SERINC5: variants seen among roughly 807,000 people sequenced by gnomAD.
The protein encoded by SERINC5 is chromosome 5 open reading frame 12.
A neutral mutation model predicts 63.1 loss-of-function variants in SERINC5; 41 were observed. The ratio of observed to expected loss-of-function variants is 0.65; its 90% CI spans 0.51 to 0.84. The LOEUF is 0.84. SERINC5 is among the 40% of genes least tolerant of loss of function. SERINC5 has a pLI of 0.00. For missense variants in SERINC5, 523 were observed against 573.0 expected (o/e 0.91, Z 0.89); for synonymous variants, 222 against 215.2 (o/e 1.03, Z -0.28).
At chr5:80,158,556 A>C in intron 8 of SERINC5, 1 of 361,944 alleles carries the variant, frequency 2.8e-6, no homozygotes, top group Non-Finnish European at 5.1e-6. Flanking sequence ...ACGGTGCTGC[A>C]ACATGCCATA....
chr5:80,252,456 G>A (rs945302184), intron 1 of SERINC5, among the ~76,000 whole-genome samples: 3 of 152,134 alleles, frequency 2.0e-5, no homozygotes, highest in Non-Finnish European at 4.4e-5. Context: ...GTTCATTACC[G>A]TGTCTCTAGG....
Position 80,183,428 on chromosome 5 carries a change from T to C in SERINC5, c.196-5364A>G, listed in dbSNP as rs145252119. Among the ~76,000 whole-genome samples the C allele has an allele frequency of 1.1e-3, 161 of 152,122 alleles. 1 individual carries two copies. The highest frequency in any genetic ancestry group is 1.0e-3 in the African/African-American group (42 of 41,490). ...TCTGGAAATTGCTTTAGAACAGCAATTGGGGCTGGATACAGGAAGTGTCAG... is the reference window on the plus strand; with the variant it reads ...TCTGGAAATTGCTTTAGAACAGCAACTGGGGCTGGATACAGGAAGTGTCAG... On this transcript the variant is annotated intron_variant, in intron 2 of 11. Transcript: ENST00000507668.
intron 2 of SERINC5, among the ~76,000 whole-genome samples, chr5:80,186,475 T>A (rs539870760): frequency 6.6e-6 from 1 of 152,152 alleles, no homozygotes; most frequent in African/African-American, 2.4e-5. Context: ...ACATTTATAT[T>A]AGAACTGAGG....
intron 7 of SERINC5, 86 bp downstream of exon 7, chr5:80,166,297 C>G: frequency 1.0e-6 from 1 of 965,238 alleles, no homozygotes; most frequent in Non-Finnish European, 1.6e-6. Context: ...TCTCCAAGGC[C>G]TCTCCAATAT....
intron 11 of SERINC5, among the ~76,000 whole-genome samples, chr5:80,131,049 A>T (rs1438189988): frequency 6.6e-6 from 1 of 152,226 alleles, no homozygotes; most frequent in Non-Finnish European, 1.5e-5. Flanking sequence ...CTTCACTGAA[A>T]ATGTAATACA....
chr5:80,151,491 T>C (rs955569756), intron 8 of SERINC5, among the ~76,000 whole-genome samples: 6 of 152,172 alleles, frequency 3.9e-5, no homozygotes, highest in Non-Finnish European at 8.8e-5. Flanking sequence ...GTTAGACAAA[T>C]TGCCTTGCAT....
intron 1 of SERINC5, among the ~76,000 whole-genome samples, chr5:80,244,278 C>T (rs540739814): frequency 2.6e-5 from 4 of 151,236 alleles, no homozygotes; most frequent in East Asian, 2.0e-4. Context: ...TGCAATGGCA[C>T]GATCTCGGCT....
At chr5:80,225,372 A>C (rs1751122635) in intron 1 of SERINC5, among the ~76,000 whole-genome samples, 1 of 152,204 alleles carries the variant, frequency 6.6e-6, no homozygotes, top group South Asian at 2.1e-4. Context: ...GGTGACTCCT[A>C]AGTCCATTTG....
rs556409136 is a variant in SERINC5, at chr5:80,237,822, G to A, written c.27+18074C>T. Reference sequence around the variant, plus strand: ...TCTTGCTTCCAAAAAATATGCAATCGGCCAGGCACGGTGGCTCACGCCTGT... The same window carrying A: ...TCTTGCTTCCAAAAAATATGCAATCAGCCAGGCACGGTGGCTCACGCCTGT... On this transcript the variant is annotated intron_variant, in intron 1 of 11. Transcript: ENST00000507668. 7.2e-5 allele frequency among the ~76,000 whole-genome samples: 11 copies of A among 151,906 alleles called. No homozygotes were observed. In the South Asian group the frequency reaches 8.3e-4, roughly 11 times the overall value.
At chr5:80,182,199 T>G (rs1748474545) in intron 2 of SERINC5, among the ~76,000 whole-genome samples, 1 of 152,108 alleles carries the variant, frequency 6.6e-6, no homozygotes, top group Admixed American at 6.6e-5. Flanking sequence ...ATCAGTTAAG[T>G]CCAACATTAT....
intron 2 of SERINC5, among the ~76,000 whole-genome samples, chr5:80,192,736 A>G (rs1391190712): frequency 1.3e-5 from 2 of 152,150 alleles, no homozygotes; most frequent in Admixed American, 1.3e-4. Flanking sequence ...ACACCACCAG[A>G]ATACCCAACC....
chr5:80,229,050 T>TGGCGGGGGG lies in SERINC5; in HGVS notation c.28-25998_28-25997insCCCCCCGCC, dbSNP rs1751303992. 7.4e-5 allele frequency among the ~76,000 whole-genome samples: 7 copies of TGGCGGGGGG among 94,104 alleles called. 1 individual carries two copies. Among genetic ancestry groups the TGGCGGGGGG allele is most frequent in the African/African-American group, 1.6e-4 (4 of 25,534 alleles). The allele number at this position is 94,104 out of a possible 152,430, so 61.7% of individuals were successfully genotyped here. A position where few individuals can be genotyped will look rare whatever the true frequency, so the allele number is the denominator to read the frequency against. ...TTTTTTTTTTTTTTTTTTTTTTTTTTGGGGATGGAGTTGCCTAGGCTGGAG... is the reference window on the plus strand; with the variant it reads ...TTTTTTTTTTTTTTTTTTTTTTTTTTGGCGGGGGGGGGGATGGAGTTGCCTAGGCTGGAG... On this transcript the variant is annotated intron_variant, in intron 1 of 11. Coordinates refer to ENST00000507668, the MANE Select transcript of SERINC5 (RefSeq NM_001174072.3).
chr5:80,116,469 G>A, intron 11 of SERINC5: 2 of 398,894 alleles, frequency 5.0e-6, no homozygotes, highest in Non-Finnish European at 9.9e-6. Context: ...CCTGGGACTT[G>A]CATGCTATAA....
At position 80,140,030 on chromosome 5, in the gene SERINC5, T is replaced by C. The variant is rs1035403649; in HGVS notation, c.*3633A>G. On this transcript the variant is annotated 3_prime_UTR_variant, in exon 12 of 12. Transcript: ENST00000507668. ...GCAAAAATTAAATAAATACATCATC[T>C]TAAAAAGGCAGAGGGTAGGCTGCGT... 5 of 985,180 alleles carry C rather than the reference T, an allele frequency of 5.1e-6. No individual in the cohort carries two copies. The highest frequency in any genetic ancestry group is 4.8e-6 in the Non-Finnish European group (4 of 829,906). 61.0% of individuals were successfully genotyped at this position (985,180 alleles called of 1,614,324 possible).
chr5:80,142,431 C>T lies in SERINC5; in HGVS notation c.*1232G>A, dbSNP rs142130377. 5,352 of 929,346 alleles carry T rather than the reference C, an allele frequency of 5.8e-3. 208 individuals are homozygous for T. The African/African-American group carries it at 0.085, about 15-fold the overall frequency. The allele number at this position is 929,346 out of a possible 1,614,324, so 57.6% of individuals were successfully genotyped here. A position where few individuals can be genotyped will look rare whatever the true frequency, so the allele number is the denominator to read the frequency against. On this transcript the variant is annotated 3_prime_UTR_variant, in exon 12 of 12. Coordinates refer to ENST00000507668, the MANE Select transcript of SERINC5 (RefSeq NM_001174072.3). ...TATTTTTAATAGAGACAGGGTTTCA[C>T]CATGTTAGCCAGGCTGGTCTTGCAA...
chr5:80,234,841 ACCT>A (rs1423749658), intron 1 of SERINC5, among the ~76,000 whole-genome samples: 1 of 151,990 alleles, frequency 6.6e-6, no homozygotes, highest in Admixed American at 6.6e-5. Context: ...GTGTTCTTTA[ACCT>A]CCTCTTTTTA....
chr5:80,255,650 G>T (rs906239739), intron 1 of SERINC5, among the ~76,000 whole-genome samples: 1 of 152,170 alleles, frequency 6.6e-6, no homozygotes, highest in Non-Finnish European at 1.5e-5. Context: ...CGCTCCACGC[G>T]GAGTCCCGGA....
chr5:80,137,152 A>AAC (rs1554058499), downstream of SERINC5, among the ~76,000 whole-genome samples: 64 of 142,000 alleles, frequency 4.5e-4, 1 homozygote, highest in African/African-American at 1.5e-3. Context: ...AAAAAAAAAA[A>AAC]AAAAAAAAAA....
rs60441287 is a variant in SERINC5 at position 80,202,238 on chromosome 5, C to T, written c.195+648G>A. Among the ~76,000 whole-genome samples the T allele has an allele frequency of 1.6e-3, 247 of 150,602 alleles. 1 individual carries two copies. Among genetic ancestry groups the T allele is most frequent in the East Asian group, 8.2e-3 (42 of 5,126 alleles). ...GGGTAACAAGAGCAAAACTCTGTCT[C>T]GAAAAAAAAGAAGAAAGAAATCCTG... is the stretch of plus-strand genomic sequence containing the variant. On this transcript the variant is annotated intron_variant, in intron 2 of 11. Transcript: ENST00000507668.
Sources: allele counts gnomAD v4.1 joint callset (sites outside exome capture counted in the v4.1 genomes callset), GRCh38; gene constraint gnomAD v4.1.1; transcripts MANE v1.5; gene names NCBI Gene and HGNC (gene_info 2026-07-23, HGNC 2026-07-21).